The following SLFN12L variants were observed in gnomAD, a reference collection of about 807,000 sequenced individuals.
SLFN12L encodes schlafen family member 12 like.
In SLFN12L, 34 loss-of-function variants were observed where a neutral mutation model predicts 34.8. The observed-to-expected ratio is 0.98, with a 90% CI of 0.74 to 1.30. The LOEUF (loss-of-function observed/expected upper bound fraction) is 1.30. Ranked by LOEUF, SLFN12L falls within the 50% of genes most tolerant of loss-of-function variation. The pLI, the probability that SLFN12L is intolerant of heterozygous loss-of-function variation, is 0.00. For missense variants in SLFN12L, 703 were observed against 696.2 expected (o/e 1.01, Z -0.11); for synonymous variants, 259 against 247.5 (o/e 1.05, Z -0.44).
intron 3 of SLFN12L, among the ~76,000 whole-genome samples, chr17:35,478,802 GA>G (rs1001148743): frequency 6.6e-6 from 1 of 152,164 alleles, no homozygotes; most frequent in African/African-American, 2.4e-5. Context: ...GTTAGTTACA[GA>G]AAATGAGCCC....
chr17:35,479,571 T>C lies in SLFN12L; in HGVS notation c.711A>G (p.Lys237=). ...FNRTELGYKE[K]LTFTESTHVE... ...CGTGTGTGGATTCAGTAAAGGTCAATTTTTCTTTATAACCAAGTTCTGTTC... is the reference window on the plus strand; with the variant it reads ...CGTGTGTGGATTCAGTAAAGGTCAACTTTTCTTTATAACCAAGTTCTGTTC... Residue 237 remains lysine, a synonymous_variant, in exon 3 of 5, where the codon AAA becomes AAG. Coordinates refer to ENST00000628453, the MANE Select transcript of SLFN12L (RefSeq NM_001363830.2). 5 of 1,613,748 alleles carry C rather than the reference T, an allele frequency of 3.1e-6. No individual in the cohort carries two copies. Among genetic ancestry groups the C allele is most frequent in the Non-Finnish European group, 4.2e-6 (5 of 1,179,906 alleles).
intron 2 of SLFN12L, among the ~76,000 whole-genome samples, chr17:35,510,889 T>C (rs546886884): frequency 1.4e-4 from 21 of 152,154 alleles, no homozygotes; most frequent in African/African-American, 4.1e-4. Flanking sequence ...TACTAATATC[T>C]GACCTGAAGT....
intron 1 of SLFN12L, among the ~76,000 whole-genome samples, chr17:35,525,775 A>G (rs892392937): frequency 6.6e-5 from 10 of 152,228 alleles, no homozygotes; most frequent in African/African-American, 1.2e-4. Flanking sequence ...TGTAAAGACC[A>G]TCGACACTAT....
chr17:35,487,174 A>C (rs1378758678), intron 2 of SLFN12L, among the ~76,000 whole-genome samples: 1 of 152,254 alleles, frequency 6.6e-6, no homozygotes, highest in East Asian at 1.9e-4. Context: ...TGGCCTGTCC[A>C]TACAGCACTC....
At chr17:35,488,565 C>T (rs568265492) in intron 2 of SLFN12L, among the ~76,000 whole-genome samples, 1 of 152,304 alleles carries the variant, frequency 6.6e-6, no homozygotes, top group East Asian at 1.9e-4. Context: ...CCAGCCCACA[C>T]GTCTAAGAAC....
intron 1 of SLFN12L, among the ~76,000 whole-genome samples, chr17:35,535,567 G>T (rs184539764): frequency 6.6e-6 from 1 of 151,076 alleles, no homozygotes; most frequent in Non-Finnish European, 1.5e-5. Flanking sequence ...GCTCACTGCA[G>T]CCTTCACCAC....
At position 35,475,436 on chromosome 17, in the gene SLFN12L, C is replaced by G. The variant is rs760504452; in HGVS notation, c.1326G>C (p.Leu442=). The G allele has an allele frequency of 1.2e-6, 2 of 1,613,170 alleles. No homozygotes were observed. Among genetic ancestry groups the G allele is most frequent in the Non-Finnish European group, 1.7e-6 (2 of 1,179,694 alleles). ...TCAPKTFCRN[L]FSQHEGLKQL... ...GCTTAAGTCCTTCATGTTGTGAGAA[C>G]AGATTTCTGCAGAAGGTTTTTGGAG... The change falls in exon 5 of 5, where the codon CTG becomes CTC. Residue 442 remains leucine, a synonymous_variant. Transcript: ENST00000628453.
chr17:35,474,951 C>G lies in SLFN12L; in HGVS notation c.1811G>C (p.Cys604Ser). The G allele has an allele frequency of 2.6e-6, 4 of 1,549,094 alleles. No homozygotes were observed. Among genetic ancestry groups the G allele is most frequent in the Non-Finnish European group, 3.5e-6 (4 of 1,146,078 alleles). ...TCTCAAGAAAAAACAAACAAACCAA[C>G]AAACAAACAAACAAAAACGAAACAA... ...VCLFRFCLFVCWFVCFFLR is the reference protein window; with the variant it reads ...VCLFRFCLFVSWFVCFFLR Residue 604 changes from cysteine (C) to serine (S), a missense_variant, in exon 5 of 5, where the codon TGT becomes TCT. Physicochemically the swap from Cys to Ser is moderately radical, Grantham distance 112. Coordinates refer to ENST00000628453, the MANE Select transcript of SLFN12L (RefSeq NM_001363830.2).
chr17:35,504,126 G>T (rs1210177757), intron 2 of SLFN12L, among the ~76,000 whole-genome samples: 1 of 152,170 alleles, frequency 6.6e-6, no homozygotes, highest in Non-Finnish European at 1.5e-5. Context: ...GTTATACCCT[G>T]TGGGGACTTG....
chr17:35,522,566 G>T lies in SLFN12L; in HGVS notation c.-202C>A. The T allele has an allele frequency of 6.2e-7, 1 of 1,609,230 alleles. No individual in the cohort carries two copies. The highest frequency in any genetic ancestry group is 1.1e-5 in the South Asian group (1 of 90,590). Reference sequence around the variant, plus strand: ...GGGACTGCAGCAGGGCTTCCAATGTGCTGGGTGCCTGCAAAACTATAGGAC... The same window carrying T: ...GGGACTGCAGCAGGGCTTCCAATGTTCTGGGTGCCTGCAAAACTATAGGAC... On this transcript the variant is annotated 5_prime_UTR_variant, in exon 2 of 5. Transcript: ENST00000628453.
chr17:35,503,719 C>A (rs944976361), intron 2 of SLFN12L, among the ~76,000 whole-genome samples: 1 of 152,132 alleles, frequency 6.6e-6, no homozygotes, highest in Admixed American at 6.5e-5. Flanking sequence ...ACTTTCCTTT[C>A]CCTCAAAACT....
At chr17:35,491,794 T>C (rs1914849110) in intron 2 of SLFN12L, among the ~76,000 whole-genome samples, 1 of 152,242 alleles carries the variant, frequency 6.6e-6, no homozygotes, top group Non-Finnish European at 1.5e-5. Flanking sequence ...ATTACTGTCA[T>C]AATTCAGTTT....
intron 1 of SLFN12L, among the ~76,000 whole-genome samples, chr17:35,536,101 G>A (rs1485431350): frequency 1.3e-5 from 2 of 152,132 alleles, no homozygotes; most frequent in Non-Finnish European, 1.5e-5. Context: ...TTACAGGCAT[G>A]AGCAACCACA....
At chr17:35,518,853 T>C (rs1313219214) in intron 2 of SLFN12L, among the ~76,000 whole-genome samples, 5 of 152,186 alleles carry the variant, frequency 3.3e-5, no homozygotes, top group African/African-American at 7.2e-5. Flanking sequence ...ACTGGGTATA[T>C]ACCCAAAGGA....
At chr17:35,483,413 C>G (rs532527425) in intron 2 of SLFN12L, among the ~76,000 whole-genome samples, 5 of 152,170 alleles carry the variant, frequency 3.3e-5, no homozygotes, top group African/African-American at 1.2e-4. Context: ...AAAATCAACA[C>G]CCTGAAGATC....
At chr17:35,525,834 C>G (rs2072329217) in intron 1 of SLFN12L, among the ~76,000 whole-genome samples, 1 of 152,188 alleles carries the variant, frequency 6.6e-6, no homozygotes, top group Admixed American at 6.5e-5. Flanking sequence ...ATCATAGTAA[C>G]AGGATCAAAT....
intron 4 of SLFN12L, among the ~76,000 whole-genome samples, chr17:35,477,091 T>A (rs8065289): frequency 0.2 from 29,874 of 152,034 alleles, 3,331 homozygotes; most frequent in Middle Eastern, 0.31. Context: ...AATCAATGGA[T>A]AAAAATCATC....
At chr17:35,518,732 A>G (rs969802003) in intron 2 of SLFN12L, among the ~76,000 whole-genome samples, 4 of 152,148 alleles carry the variant, frequency 2.6e-5, no homozygotes, top group African/African-American at 9.7e-5. Context: ...AAATAGGAAC[A>G]CTTTTACATT....
Position 35,522,496 on chromosome 17 carries a change from A to G in SLFN12L, c.-132T>C, listed in dbSNP as rs1006589129. The G allele has an allele frequency of 2.1e-5, 34 of 1,613,212 alleles. No individual in the cohort carries two copies. Among genetic ancestry groups the G allele is most frequent in the Middle Eastern group, 1.6e-4 (1 of 6,074 alleles). ...AGCAGATTTAAAACCTCATAGCTGCACAGGTCACTCAAGAGAGACCTGAAG... is the reference window on the plus strand; with the variant it reads ...AGCAGATTTAAAACCTCATAGCTGCGCAGGTCACTCAAGAGAGACCTGAAG... On this transcript the variant is annotated 5_prime_UTR_variant, in exon 2 of 5. Coordinates refer to ENST00000628453, the MANE Select transcript of SLFN12L (RefSeq NM_001363830.2).
Sources: allele counts gnomAD v4.1 joint callset (sites outside exome capture counted in the v4.1 genomes callset), GRCh38; gene constraint gnomAD v4.1.1; transcripts MANE v1.5; gene names NCBI Gene and HGNC (gene_info 2026-07-23, HGNC 2026-07-21).